The following BMS1 variants were observed in gnomAD, a reference collection of about 807,000 sequenced individuals.
The protein encoded by BMS1 is BMS1 ribosome biogenesis factor, also known as ribosome biogenesis protein BMS1 homolog.
BMS1 carries 53 observed loss-of-function variants against 138.7 expected under a neutral mutation model. The observed-to-expected ratio is 0.38, with a 90% CI of 0.31 to 0.48. BMS1 has a LOEUF of 0.48. Among genes scored for constraint, BMS1 ranks in the 20% least tolerant of loss-of-function variants. The pLI is 0.97. For missense variants in BMS1, 1,360 were observed against 1,565.5 expected, an observed-to-expected ratio of 0.87 and a Z score of 2.22; for synonymous variants, 504 against 539.9, an observed-to-expected ratio of 0.93 and a Z score of 0.92.
rs1841258458 is a variant in BMS1 at position 42,784,474 on chromosome 10, A to G, written c.80A>G (p.Gln27Arg). 1 of 1,613,992 alleles carries G rather than the reference A, an allele frequency of 6.2e-7. No individual in the cohort carries two copies. Among genetic ancestry groups the G allele is most frequent in the Non-Finnish European group, 8.5e-7 (1 of 1,179,880 alleles). The change falls in exon 2 of 23, where the codon CAG becomes CGG. Residue 27 changes from glutamine (Q) to arginine (R), a missense_variant. By Grantham distance (43) the Gln-to-Arg change is conservative (BLOSUM62 1). Around this residue, in one of 3 missense-constraint regions of BMS1, gnomAD observed 238 missense variants for 311.1 expected, o/e 0.77. Transcript: ENST00000374518. Reference protein sequence around the residue: ...KAAKKKKRLLQDLQLGDEEDA... With the variant: ...KAAKKKKRLLRDLQLGDEEDA... Reference sequence around the variant, plus strand: ...GCAAAGAAAAAGAAGCGGCTTCTGCAGGATCTCCAGCTAGGAGACGAAGAA... The same window carrying G: ...GCAAAGAAAAAGAAGCGGCTTCTGCGGGATCTCCAGCTAGGAGACGAAGAA...
At chr10:42,829,327 G>A (rs913212017) in intron 21 of BMS1, among the ~76,000 whole-genome samples, 1 of 151,356 alleles carries the variant, frequency 6.6e-6, no homozygotes, top group Non-Finnish European at 1.5e-5. Context: ...AAAAGAATTT[G>A]GGTCATCTCA....
chr10:42,802,957 T>C lies in BMS1; in HGVS notation c.2329+739T>C, dbSNP rs560967458. ...ACTTTTTTATTTTCATAAGACAGAT[T>C]CATAAGTGTTAGAATTGAGTCATTT... On this transcript the variant is annotated intron_variant, in intron 13 of 22. Coordinates refer to ENST00000374518, the MANE Select transcript of BMS1 (RefSeq NM_014753.4). Among the ~76,000 whole-genome samples the C allele has an allele frequency of 7.9e-5, 12 of 152,274 alleles. No homozygotes were observed. In the East Asian group the frequency reaches 2.1e-3, roughly 27 times the overall value.
At chr10:42,802,685 A>G (rs890133668) in intron 13 of BMS1, among the ~76,000 whole-genome samples, 6 of 151,820 alleles carry the variant, frequency 4.0e-5, no homozygotes, top group Admixed American at 6.6e-5. Context: ...TGTACTTTAT[A>G]TAATTTTTGG....
intron 4 of BMS1, among the ~76,000 whole-genome samples, chr10:42,788,389 A>C (rs1017251114): frequency 2.0e-5 from 3 of 152,110 alleles, no homozygotes; most frequent in Non-Finnish European, 4.4e-5. Flanking sequence ...ATAGTTATAC[A>C]TATTTATGGG....
chr10:42,830,799 G>A, intron 22 of BMS1, 67 bp from the exon 23 acceptor site: 1 of 1,378,502 alleles, frequency 7.3e-7, no homozygotes, highest in Non-Finnish European at 9.9e-7. Flanking sequence ...TCTAGTCTTA[G>A]TGCTTAGGAT....
intron 12 of BMS1, 73 bp downstream of exon 12, chr10:42,798,698 A>C: frequency 6.4e-7 from 1 of 1,572,074 alleles, no homozygotes; most frequent in Non-Finnish European, 8.7e-7. Flanking sequence ...TCTGATGTCA[A>C]TATTGCTTAC....
chr10:42,791,039 G>C (rs1456824507), intron 5 of BMS1, among the ~76,000 whole-genome samples: 1 of 151,804 alleles, frequency 6.6e-6, no homozygotes, highest in Non-Finnish European at 1.5e-5. Flanking sequence ...TTTTGTGTGT[G>C]TGTTCACAGT....
chr10:42,787,356 T>C (rs1214442884), intron 4 of BMS1, 109 bp downstream of exon 4: 2 of 897,876 alleles, frequency 2.2e-6, no homozygotes, highest in Non-Finnish European at 3.6e-6. Flanking sequence ...AAAAGAATCA[T>C]GGTCATCATC....
chr10:42,783,346 G>C (rs1323826089), intron 1 of BMS1, among the ~76,000 whole-genome samples: 1 of 152,170 alleles, frequency 6.6e-6, no homozygotes, highest in African/African-American at 2.4e-5. Context: ...GGAAGCCTCT[G>C]ACTCACCTCC....
At chr10:42,820,913 T>C in intron 17 of BMS1, 21 bp from the exon 18 acceptor site, 10 of 1,597,790 alleles carry the variant, frequency 6.3e-6, no homozygotes, top group Non-Finnish European at 7.7e-6. Flanking sequence ...GCTATATTTC[T>C]TTTTTTCCTT....
chr10:42,794,239 C>T lies in BMS1; in HGVS notation c.1229+248C>T, dbSNP rs1262518979. Among the ~76,000 whole-genome samples the T allele has an allele frequency of 3.3e-5, 5 of 152,128 alleles. No homozygotes were observed. The East Asian group carries it at 5.8e-4, about 18-fold the overall frequency. ...ATTCCTCAAATACCATGCCATCTTC[C>T]ATAGGTTGCCTTTTGTTTTTTAAGA... On this transcript the variant is annotated intron_variant, in intron 9 of 22. Transcript: ENST00000374518.
rs1481077015 is a variant in BMS1 at position 42,823,733 on chromosome 10, C to G, written c.3405C>G (p.Leu1135=). 4 of 1,595,850 alleles carry G rather than the reference C, an allele frequency of 2.5e-6. No homozygotes were observed. The highest frequency in any genetic ancestry group is 3.4e-6 in the Non-Finnish European group (4 of 1,179,544). ...CAGGAATGCGGACCACGGGCCAACT[C>G]AGGCTCGCCCATGGCGTCAGACTAA... ...TWSGMRTTGQ[L]RLAHGVRLKA... Residue 1135 remains leucine (L), a synonymous_variant, in exon 21 of 23, where the codon CTC becomes CTG. Coordinates refer to ENST00000374518, the MANE Select transcript of BMS1 (RefSeq NM_014753.4).
rs1244466275 is a variant in BMS1 at position 42,784,587 on chromosome 10, T to A, written c.176+17T>A. 6.4e-7 allele frequency: 1 copy of A among 1,570,392 alleles called. No individual in the cohort carries two copies. Among genetic ancestry groups the A allele is most frequent in the Non-Finnish European group, 8.6e-7 (1 of 1,165,366 alleles). On this transcript the variant is annotated intron_variant, in intron 2 of 22. Coordinates refer to ENST00000374518, the MANE Select transcript of BMS1 (RefSeq NM_014753.4). ...CTTTCACAGGTATGTTAGGCTACGG[T>A]CTGGTCATTCTTCCATTGATTCTTT... is the stretch of plus-strand genomic sequence containing the variant.
At chr10:42,806,737 G>GAAAA (rs35466848) in intron 13 of BMS1, among the ~76,000 whole-genome samples, 4 of 99,418 alleles carry the variant, frequency 4.0e-5, no homozygotes, top group Non-Finnish European at 4.2e-5. Context: ...TCCGTCTCAG[G>GAAAA]AAAAAAAAAA....
At chr10:42,798,415 C>T (rs2132322364) in intron 11 of BMS1, 53 bp from the exon 12 acceptor site, 9 of 1,608,170 alleles carry the variant, frequency 5.6e-6, no homozygotes, top group East Asian at 2.2e-5. Flanking sequence ...AATGATGAGT[C>T]CTCTAGGGCT....
At chr10:42,814,593 T>G (rs3004290) in intron 13 of BMS1, among the ~76,000 whole-genome samples, 36,076 of 152,180 alleles carry the variant, frequency 0.24, 4,799 homozygotes, top group Non-Finnish European at 0.32. Context: ...TTTTTTTATT[T>G]TTGCAGGCAG....
At chr10:42,814,326 A>G (rs1165947350) in intron 13 of BMS1, among the ~76,000 whole-genome samples, 3 of 152,138 alleles carry the variant, frequency 2.0e-5, no homozygotes, top group Admixed American at 6.5e-5. Flanking sequence ...TTCTGTTGAT[A>G]CAGGTTTCAG....
At chr10:42,801,424 T>A (rs1270448046) in intron 12 of BMS1, among the ~76,000 whole-genome samples, 5 of 152,250 alleles carry the variant, frequency 3.3e-5, no homozygotes, top group African/African-American at 4.8e-5. Flanking sequence ...GTCTCATTTC[T>A]CTTTTCAAAA....
Position 42,796,798 on chromosome 10 carries a change from G to A in BMS1, c.1554G>A (p.Ala518=), listed in dbSNP as rs151134499. 311 of 1,614,174 alleles carry A rather than the reference G, an allele frequency of 1.9e-4. No homozygotes were observed. Among genetic ancestry groups the A allele is most frequent in the African/African-American group, 1.8e-3 (133 of 75,046 alleles). ...LERSSAEEGE[A]EEADESSEEE... ...GGAGCTCAGCGGAAGAAGGGGAAGCGGAGGAAGCTGATGAAAGCAGTGAAG... is the reference window on the plus strand; with the variant it reads ...GGAGCTCAGCGGAAGAAGGGGAAGCAGAGGAAGCTGATGAAAGCAGTGAAG... The change falls in exon 10 of 23, where the codon GCG becomes GCA. Residue 518 remains alanine, a synonymous_variant. Transcript: ENST00000374518.
Sources: allele counts gnomAD v4.1 joint callset (sites outside exome capture counted in the v4.1 genomes callset), GRCh38; gene constraint gnomAD v4.1.1; regional missense constraint gnomAD v4.1.1; transcripts MANE v1.5; gene names NCBI Gene and HGNC (gene_info 2026-07-23, HGNC 2026-07-21).